The following CPLANE1 variants were observed in gnomAD, a reference collection of about 807,000 sequenced individuals.
The protein encoded by CPLANE1 is ciliogenesis and planar polarity effector complex subunit 1.
A neutral mutation model predicts 362.5 loss-of-function variants in CPLANE1; 263 were observed. The ratio of observed to expected loss-of-function variants is 0.73; its 90% CI spans 0.66 to 0.80. The LOEUF is 0.80. Ranked by LOEUF, CPLANE1 falls within the 30% of genes least tolerant of loss-of-function variation. The pLI, the probability that CPLANE1 is intolerant of heterozygous loss-of-function variation, is 0.00. For missense variants in CPLANE1, 3,461 were observed against 3,793.4 expected (o/e 0.91, Z 2.30); for synonymous variants, 1,212 against 1,302.6 (o/e 0.93, Z 1.50).
intron 20 of CPLANE1, among the ~76,000 whole-genome samples, chr5:37,196,762 T>C (rs547571427): frequency 6.6e-6 from 1 of 152,076 alleles, no homozygotes; most frequent in East Asian, 1.9e-4. Context: ...CCATCTCTAC[T>C]AAAAACACAA....
chr5:37,234,866 T>C (rs1289233439), intron 8 of CPLANE1, among the ~76,000 whole-genome samples: 1 of 152,194 alleles, frequency 6.6e-6, no homozygotes, highest in Non-Finnish European at 1.5e-5. Context: ...TGTGAGTGTA[T>C]TATTTCATAA....
Position 37,206,556 on chromosome 5 carries a change from T to A in CPLANE1, c.2921-131A>T, listed in dbSNP as rs1046395163. ...CCAGGAAGATACATACAAAATGGGCTAAAGTAATACTCAACATGCCCTAGA... is the reference window on the plus strand; with the variant it reads ...CCAGGAAGATACATACAAAATGGGCAAAAGTAATACTCAACATGCCCTAGA... On this transcript the variant is annotated intron_variant, in intron 16 of 52. Transcript: ENST00000651892. 6 of 634,330 alleles carry A rather than the reference T, an allele frequency of 9.5e-6. No homozygotes were observed. The Admixed American group carries it at 1.6e-4, about 17-fold the overall frequency. The allele number at this position is 634,330 out of a possible 1,614,324, so 39.3% of individuals were successfully genotyped here.
intron 15 of CPLANE1, among the ~76,000 whole-genome samples, chr5:37,215,739 C>CTTTTTTTTT (rs567527656): frequency 9.5e-5 from 9 of 95,226 alleles, no homozygotes; most frequent in East Asian, 3.2e-4. Flanking sequence ...CTTCTCTTTC[C>CTTTTTTTTT]TTTTTTTTTT....
chr5:37,156,715 AT>A, intron 41 of CPLANE1, among the ~76,000 whole-genome samples: 1 of 152,318 alleles, frequency 6.6e-6, no homozygotes, highest in East Asian at 1.9e-4. Flanking sequence ...AAAACTGAAT[AT>A]TTATAAGTAC....
Position 37,209,568 on chromosome 5 carries a change from C to A in CPLANE1, c.2921-3143G>T. ...GTCCATTTCAGTGCAAGGGAGCTCCCTCTTAATAAGTGCCTCTAACTCTTT... is the reference window on the plus strand; with the variant it reads ...GTCCATTTCAGTGCAAGGGAGCTCCATCTTAATAAGTGCCTCTAACTCTTT... On this transcript the variant is annotated intron_variant, in intron 16 of 52. Coordinates refer to ENST00000651892, the MANE Select transcript of CPLANE1 (RefSeq NM_001384732.1). This position sits in a 1 kb window ranked among gnomAD's most constrained non-coding sequence, Gnocchi z 4.6. 1 of 1,349,888 alleles carries A rather than the reference C, an allele frequency of 7.4e-7. No individual in the cohort carries two copies. Among genetic ancestry groups the A allele is most frequent in the East Asian group, 2.3e-5 (1 of 43,460 alleles). 83.6% of individuals were successfully genotyped at this position (1,349,888 alleles called of 1,614,324 possible).
At position 37,227,866 on chromosome 5, in the gene CPLANE1, C is replaced by T. The variant is rs760442774; in HGVS notation, c.1122-49G>A. 60 of 1,456,146 alleles carry T rather than the reference C, an allele frequency of 4.1e-5. 1 individual carries two copies. The highest frequency in any genetic ancestry group is 4.8e-5 in the Non-Finnish European group (53 of 1,097,348). 90.2% of individuals were successfully genotyped at this position (1,456,146 alleles called of 1,614,324 possible). A position where few individuals can be genotyped will look rare whatever the true frequency, so the allele number is the denominator to read the frequency against. On this transcript the variant is annotated intron_variant, in intron 9 of 52. Transcript: ENST00000651892. ...AAGAATCAGTAAGAGAAAGATCTTA[C>T]GGAAAACAATAATGTTTTTCAAAAA...
At chr5:37,082,028 G>C in the CPLANE1 span, among the ~76,000 whole-genome samples, 1 of 151,668 alleles carries the variant, frequency 6.6e-6, no homozygotes, top group African/African-American at 2.4e-5. Flanking sequence ...GGGAGGCGGA[G>C]GTTGCAGTGA....
At chr5:37,095,413 C>T in the CPLANE1 span, among the ~76,000 whole-genome samples, 1 of 152,134 alleles carries the variant, frequency 6.6e-6, no homozygotes, top group Non-Finnish European at 1.5e-5. Context: ...TCAGCAAAAT[C>T]GGCATACAAG....
intron 47 of CPLANE1, chr5:37,124,963 C>A: frequency 1.7e-6 from 2 of 1,158,882 alleles, no homozygotes; most frequent in Non-Finnish European, 2.1e-6. Context: ...CAATTGGTCA[C>A]CCAATCACTC....
At chr5:37,098,535 C>G in the CPLANE1 span, among the ~76,000 whole-genome samples, 2 of 151,906 alleles carry the variant, frequency 1.3e-5, no homozygotes, top group African/African-American at 4.8e-5. Flanking sequence ...TTACAGACCA[C>G]TCCATCTAAC....
At chr5:37,102,673 G>A (rs1757350584), downstream of CPLANE1, among the ~76,000 whole-genome samples, 1 of 152,156 alleles carries the variant, frequency 6.6e-6, no homozygotes, top group Non-Finnish European at 1.5e-5. Flanking sequence ...TTACTCAGGA[G>A]TCATTCAGGA....
At chr5:37,114,873 TG>T in intron 51 of CPLANE1, 86 bp downstream of exon 51, 1 of 779,856 alleles carries the variant, frequency 1.3e-6, no homozygotes, top group Non-Finnish European at 2.1e-6. Flanking sequence ...CACTCCAGAC[TG>T]GGCAACAGAG....
chr5:37,085,956 A>G, the CPLANE1 span: 1 of 617,622 alleles, frequency 1.6e-6, no homozygotes, highest in South Asian at 2.0e-5. Flanking sequence ...AAGGACAAAG[A>G]GGGACATTAT....
At position 37,224,324 on chromosome 5, in the gene CPLANE1, C is replaced by T. The variant is rs1264537897; in HGVS notation, c.2510G>A (p.Cys837Tyr). The T allele has an allele frequency of 1.3e-6, 2 of 1,544,878 alleles. No homozygotes were observed. ...LELKSINGEE[C>Y]FLLGSYEKSV... is the part of the protein sequence containing the mutation. ...CTTTTCATATGATCCTAATAAAAAA[C>T]ATTCTTCCCCTAGAAAGTTTTTAAC... Residue 837 changes from cysteine to tyrosine, a missense_variant, in exon 14 of 53, where the codon TGT becomes TAT. By Grantham distance (194) the Cys-to-Tyr change is radical (BLOSUM62 -2). Transcript: ENST00000651892.
rs540226094 is a variant in CPLANE1 at position 37,169,461 on chromosome 5, T to C, written c.6563A>G (p.Tyr2188Cys). 2 of 1,614,204 alleles carry C rather than the reference T, an allele frequency of 1.2e-6. No individual in the cohort carries two copies. The highest frequency in any genetic ancestry group is 2.7e-5 in the African/African-American group (2 of 75,058). Residue 2188 changes from tyrosine (Y) to cysteine (C), a missense_variant, in exon 34 of 53, where the codon TAT (tyrosine) becomes TGT (cysteine). By Grantham distance (194) the Tyr-to-Cys change is radical. Coordinates refer to ENST00000651892, the MANE Select transcript of CPLANE1 (RefSeq NM_001384732.1). ...GTGAGTATTTCCAGCAGGAGCTGGA[T>C]AAAACGAAGTGGATGGTAAGTTTTG... ...SSQNLPSTSFYPAPAGNTHLY... is the reference protein window; with the variant it reads ...SSQNLPSTSFCPAPAGNTHLY...
chr5:37,134,771 T>C (rs1034723870), intron 46 of CPLANE1, among the ~76,000 whole-genome samples: 2 of 151,784 alleles, frequency 1.3e-5, no homozygotes, highest in African/African-American at 4.8e-5. Flanking sequence ...TTGATATAGG[T>C]GTTTAGTGCT....
chr5:37,182,648 G>A (rs1782971658), intron 26 of CPLANE1, 112 bp downstream of exon 26: 1 of 715,994 alleles, frequency 1.4e-6, no homozygotes, highest in Non-Finnish European at 2.2e-6. Context: ...AATCAACATT[G>A]TCATTAATTT....
chr5:37,141,465 G>A, intron 44 of CPLANE1: 1 of 984,214 alleles, frequency 1.0e-6, no homozygotes, highest in Non-Finnish European at 1.2e-6. Flanking sequence ...ATCCCCATAT[G>A]TTGATGACTA....
rs547305418 is a variant in CPLANE1 at position 37,120,783 on chromosome 5, T to C, written c.9186-443A>G. On this transcript the variant is annotated intron_variant, in intron 49 of 52. Transcript: ENST00000651892. ...ATTCTCCATATATTGGGCAGTTATA[T>C]ATGTATTTAATCCCTGCTTTATTCT... Among the ~76,000 whole-genome samples, 6 of 152,330 alleles carry C rather than the reference T, an allele frequency of 3.9e-5. No individual in the cohort carries two copies. In the South Asian group the frequency reaches 1.0e-3, roughly 26 times the overall value.
Sources: gnomAD v4.1 joint callset for allele counts (sites outside exome capture counted in the v4.1 genomes callset) on GRCh38, gnomAD v4.1.1 for gene constraint, Gnocchi (gnomAD v3.1) non-coding constraint, MANE v1.5 for transcripts, NCBI Gene and HGNC (gene_info 2026-07-23, HGNC 2026-07-21) for gene names.